The following ADAMTS17 variants were observed in gnomAD, a reference collection of about 807,000 sequenced individuals.
ADAMTS17 encodes the protein ADAM metallopeptidase with thrombospondin type 1 motif 17, also known as A disintegrin and metalloproteinase with thrombospondin motifs 17.
A neutral mutation model predicts 141.5 loss-of-function variants in ADAMTS17; 113 were observed. The ratio of observed to expected loss-of-function variants is 0.80; its 90% confidence interval spans 0.69 to 0.93. ADAMTS17 has a LOEUF of 0.93. Ranked by LOEUF, ADAMTS17 falls within the 40% of genes least tolerant of loss-of-function variation. The pLI, the probability that ADAMTS17 is intolerant of heterozygous loss-of-function variation, is 0.00. For missense variants in ADAMTS17, 1,659 were observed against 1,517.9 expected (o/e 1.09, Z -1.54); for synonymous variants, 768 against 630.6 (o/e 1.22, Z -3.27).
intron 18 of ADAMTS17, among the ~76,000 whole-genome samples, chr15:100,037,520 C>T (rs2030854883): frequency 6.6e-6 from 1 of 151,760 alleles, no homozygotes; most frequent in African/African-American, 2.4e-5. Context: ...AAGCCATTCT[C>T]ATGCCTGTCC....
intron 12 of ADAMTS17, chr15:100,129,380 T>C (rs2037915589): frequency 6.6e-6 from 1 of 152,226 alleles, no homozygotes; most frequent in Admixed American, 6.5e-5. Flanking sequence ...CCAAGGACTT[T>C]CTGTGCATTC....
At chr15:100,149,016 A>G (rs889828466) in intron 10 of ADAMTS17, among the ~76,000 whole-genome samples, 1 of 152,254 alleles carries the variant, frequency 6.6e-6, no homozygotes, top group Non-Finnish European at 1.5e-5. Flanking sequence ...GATGAGGCCC[A>G]GAAGGAAGAA....
At chr15:100,217,111 A>G (rs2041993171) in intron 7 of ADAMTS17, among the ~76,000 whole-genome samples, 1 of 151,990 alleles carries the variant, frequency 6.6e-6, no homozygotes, top group South Asian at 2.1e-4. Flanking sequence ...TCTTTCTGAT[A>G]GGAAAAATAA....
chr15:100,220,894 T>G (rs2042112516), intron 7 of ADAMTS17, among the ~76,000 whole-genome samples: 2 of 152,246 alleles, frequency 1.3e-5, no homozygotes, highest in African/African-American at 4.8e-5. Context: ...ATTCCACAAC[T>G]GAGGCATCCA....
chr15:100,014,958 G>A (rs1161715180), intron 18 of ADAMTS17, among the ~76,000 whole-genome samples: 1 of 152,154 alleles, frequency 6.6e-6, no homozygotes, highest in Non-Finnish European at 1.5e-5. Context: ...TATCAGTGGA[G>A]TACTGAAGTC....
At chr15:100,162,003 G>A (rs756421999) in intron 8 of ADAMTS17, among the ~76,000 whole-genome samples, 2 of 152,208 alleles carry the variant, frequency 1.3e-5, no homozygotes. Flanking sequence ...TACTTCAAAT[G>A]CACATAGTAC....
chr15:100,168,436 G>T lies in ADAMTS17; in HGVS notation c.1182-13116C>A, dbSNP rs528816278. ...TGAAGGAAACAGGGCGATTTGGTGA[G>T]AATAAGAATATGCTTTCTGCTTCTG... is the stretch of plus-strand genomic sequence containing the variant. On this transcript the variant is annotated intron_variant, in intron 8 of 21. Coordinates refer to ENST00000268070, the MANE Select transcript of ADAMTS17 (RefSeq NM_139057.4). The T allele has an allele frequency of 2.6e-5, 4 of 152,368 alleles. 1 individual carries two copies. In the East Asian group the frequency reaches 7.7e-4, roughly 29 times the overall value. 9.4% of individuals were successfully genotyped at this position (152,368 alleles called of 1,614,324 possible).
chr15:100,317,009 AATC>A (rs955199606), intron 3 of ADAMTS17, among the ~76,000 whole-genome samples: 14 of 152,198 alleles, frequency 9.2e-5, no homozygotes, highest in Non-Finnish European at 1.8e-4. Flanking sequence ...TAATAACAGC[AATC>A]ATCATAGTTT....
chr15:100,052,132 T>G, intron 16 of ADAMTS17, among the ~76,000 whole-genome samples: 1 of 152,230 alleles, frequency 6.6e-6, no homozygotes, highest in East Asian at 1.9e-4. Flanking sequence ...ACAGATAAAC[T>G]TTTACCTAGA....
chr15:100,088,159 A>G (rs1007322695), intron 15 of ADAMTS17, among the ~76,000 whole-genome samples: 14 of 152,220 alleles, frequency 9.2e-5, no homozygotes, highest in Admixed American at 2.6e-4. Context: ...TACAAAATCA[A>G]TGTACAAAAA....
chr15:100,092,725 G>A (rs1036749101), intron 15 of ADAMTS17, among the ~76,000 whole-genome samples: 2 of 152,082 alleles, frequency 1.3e-5, no homozygotes, highest in Non-Finnish European at 2.9e-5. Context: ...CATTCAAAAG[G>A]GATCCTCACC....
intron 14 of ADAMTS17, among the ~76,000 whole-genome samples, chr15:100,103,574 C>CTTTTTTTTT (rs11411616): frequency 1.3e-5 from 2 of 150,148 alleles, no homozygotes; most frequent in African/African-American, 2.4e-5. Flanking sequence ...TCCAGCCACT[C>CTTTTTTTTT]TTTTTTTTTC....
intron 15 of ADAMTS17, among the ~76,000 whole-genome samples, chr15:100,056,887 A>C (rs1036844422): frequency 6.6e-6 from 1 of 152,066 alleles, no homozygotes; most frequent in Admixed American, 6.6e-5. Flanking sequence ...AGATGAACAC[A>C]ACACAATTTC....
intron 10 of ADAMTS17, among the ~76,000 whole-genome samples, chr15:100,151,855 A>T (rs2039181378): frequency 6.6e-6 from 1 of 152,146 alleles, no homozygotes; most frequent in Non-Finnish European, 1.5e-5. Context: ...TCACCCATAA[A>T]ACCAGCCAAG....
At chr15:100,327,807 G>C (rs1009965733) in intron 3 of ADAMTS17, among the ~76,000 whole-genome samples, 1 of 152,200 alleles carries the variant, frequency 6.6e-6, no homozygotes, top group African/African-American at 2.4e-5. Context: ...TAGGAAACAG[G>C]ATCAGCCTGT....
At chr15:100,242,064 T>G (rs983330218) in intron 7 of ADAMTS17, among the ~76,000 whole-genome samples, 1 of 152,184 alleles carries the variant, frequency 6.6e-6, no homozygotes, top group African/African-American at 2.4e-5. Context: ...TTAAGGTTCT[T>G]CAAATTAACG....
At chr15:100,335,616 A>G (rs961352482) in intron 2 of ADAMTS17, among the ~76,000 whole-genome samples, 2 of 152,248 alleles carry the variant, frequency 1.3e-5, no homozygotes, top group African/African-American at 4.8e-5. Flanking sequence ...GGCAACAGCG[A>G]TGACTGATCA....
At chr15:100,041,481 C>G (rs1040264773) in intron 18 of ADAMTS17, among the ~76,000 whole-genome samples, 1 of 152,210 alleles carries the variant, frequency 6.6e-6, no homozygotes. Flanking sequence ...CCAGGACCAC[C>G]TGAGGCTGGG....
In ADAMTS17 at chr15:100,215,515, G is replaced by C. The variant is rs139281308; in HGVS notation, c.1076-16092C>G. The stretch of plus-strand genomic sequence containing the variant: ...ATAGACAACTCCACGTGGAGTCTTT[G>C]CATGGCCAACAGAGAAGTTGACAGC... On this transcript the variant is annotated intron_variant, in intron 7 of 21. Coordinates refer to ENST00000268070, the MANE Select transcript of ADAMTS17 (RefSeq NM_139057.4). 7.2e-3 allele frequency among the ~76,000 whole-genome samples: 1,092 copies of C among 152,218 alleles called. 11 individuals carry two copies. Among genetic ancestry groups the C allele is most frequent in the African/African-American group, 0.024 (1,005 of 41,526 alleles).
Sources: allele counts gnomAD v4.1 joint callset (sites outside exome capture counted in the v4.1 genomes callset), GRCh38; gene constraint gnomAD v4.1.1; transcripts MANE v1.5; gene names NCBI Gene and HGNC (gene_info 2026-07-23, HGNC 2026-07-21).